ZBTB8A: variants seen among roughly 807,000 people sequenced by gnomAD.
ZBTB8A encodes the protein zinc finger and BTB domain-containing protein 8A.
Under a neutral mutation model 37.8 loss-of-function variants are expected in ZBTB8A, and 19 were observed. The observed-to-expected ratio is 0.50, with a 90% CI of 0.35 to 0.74. ZBTB8A has a LOEUF of 0.74. Ranked by LOEUF, ZBTB8A falls within the 30% of genes least tolerant of loss-of-function variation. The probability of loss-of-function intolerance (pLI) is 0.01; values close to 1 mark genes in which losing one functional copy is unlikely to be tolerated. For synonymous variants in ZBTB8A, 181 were observed against 185.2 expected, an observed-to-expected ratio of 0.98 and a Z score of 0.19; for missense variants, 394 against 537.8, an observed-to-expected ratio of 0.73 and a Z score of 2.65.
chr1:32,573,588 A>G (rs1644339004), intron 2 of ZBTB8A, among the ~76,000 whole-genome samples: 2 of 149,556 alleles, frequency 1.3e-5, no homozygotes, highest in South Asian at 4.2e-4. Flanking sequence ...GTAAGCCACC[A>G]CATTTGGCTA....
intron 3 of ZBTB8A, among the ~76,000 whole-genome samples, chr1:32,594,751 G>A (rs952647436): frequency 6.7e-6 from 1 of 148,574 alleles, no homozygotes; most frequent in Non-Finnish European, 1.5e-5. Context: ...GGGCAACAGA[G>A]CGAAACTCTA....
chr1:32,539,626 G>C (rs946820013), intron 1 of ZBTB8A, 54 bp downstream of exon 1: 3 of 146,122 alleles, frequency 2.1e-5, no homozygotes, highest in African/African-American at 7.4e-5. Context: ...GGGGCTGCCC[G>C]GGACCCGCCG....
chr1:32,588,827 T>C (rs1218678800), intron 2 of ZBTB8A, among the ~76,000 whole-genome samples: 1 of 151,764 alleles, frequency 6.6e-6, no homozygotes, highest in Non-Finnish European at 1.5e-5. Flanking sequence ...CTACCAAAAA[T>C]ACAAAAATTA....
In ZBTB8A at chr1:32,605,704, C is replaced by CAAAAAAAAAAAAAAA. The variant is rs555736414; in HGVS notation, c.*5297_*5311dup. ...TGGGTGACAGAGCGAGACTCCACCTCAAAAAAAAAAAAAAAAAAAAAAAAA... is the reference window on the plus strand; with the variant it reads ...TGGGTGACAGAGCGAGACTCCACCTCAAAAAAAAAAAAAAAAAAAAAAAAAAAAAAAAAAAAAAAA... On this transcript the variant is annotated 3_prime_UTR_variant, in exon 5 of 5. Transcript: ENST00000373510. 2.7e-4 allele frequency: 5 copies of CAAAAAAAAAAAAAAA among 18,414 alleles called. 1 individual carries two copies. Among genetic ancestry groups the CAAAAAAAAAAAAAAA allele is most frequent in the African/African-American group, 8.5e-4 (5 of 5,868 alleles). 1.1% of individuals were successfully genotyped at this position (18,414 alleles called of 1,614,324 possible). A position where few individuals can be genotyped will look rare whatever the true frequency, so the allele number is the denominator to read the frequency against.
In ZBTB8A at chr1:32,600,663, T is replaced by C. The variant is rs1331381296; in HGVS notation, c.*244T>C. 1 of 417,870 alleles carries C rather than the reference T, an allele frequency of 2.4e-6. No individual in the cohort carries two copies. The highest frequency in any genetic ancestry group is 4.3e-6 in the Non-Finnish European group (1 of 233,476). 25.9% of individuals were successfully genotyped at this position (417,870 alleles called of 1,614,324 possible). ...AGTTGGCTTGATGGATGAACAATTATCCTCTTACTTTCATTACAATCCTCT... is the reference window on the plus strand; with the variant it reads ...AGTTGGCTTGATGGATGAACAATTACCCTCTTACTTTCATTACAATCCTCT... On this transcript the variant is annotated 3_prime_UTR_variant, in exon 5 of 5. Transcript: ENST00000373510.
chr1:32,567,379 A>G (rs1029697520), intron 2 of ZBTB8A, among the ~76,000 whole-genome samples: 3 of 152,164 alleles, frequency 2.0e-5, no homozygotes, highest in Non-Finnish European at 4.4e-5. Context: ...GGGGACACAA[A>G]TCCAAACCAT....
chr1:32,601,353 A>G lies in ZBTB8A; in HGVS notation c.*934A>G. 3.8e-6 allele frequency: 1 copy of G among 260,280 alleles called. No homozygotes were observed. Among genetic ancestry groups the G allele is most frequent in the Non-Finnish European group, 7.2e-6 (1 of 139,266 alleles). 16.1% of individuals were successfully genotyped at this position (260,280 alleles called of 1,614,324 possible). ...GCCGGGCATGGTGGCGGGTGCCTAT[A>G]ATCCCAGCTACTCGGGAGGCTGAGG... On this transcript the variant is annotated 3_prime_UTR_variant, in exon 5 of 5. Coordinates refer to ENST00000373510, the MANE Select transcript of ZBTB8A (RefSeq NM_001040441.3).
chr1:32,543,093 C>CTTTTTTTTTTTTTTT (rs1403133651), intron 1 of ZBTB8A, among the ~76,000 whole-genome samples: 1 of 151,728 alleles, frequency 6.6e-6, no homozygotes, highest in South Asian at 2.1e-4. Context: ...TTAGATATAA[C>CTTTTTTTTTTTTTTT]TTTTTTTGAG....
At chr1:32,589,439 T>C (rs809787) in intron 2 of ZBTB8A, among the ~76,000 whole-genome samples, 5 of 152,044 alleles carry the variant, frequency 3.3e-5, no homozygotes, top group African/African-American at 1.2e-4. Context: ...TTAGTAGAGA[T>C]AGGGGTTCAC....
At chr1:32,542,884 T>A (rs1410884473) in intron 1 of ZBTB8A, among the ~76,000 whole-genome samples, 1 of 152,222 alleles carries the variant, frequency 6.6e-6, no homozygotes, top group East Asian at 1.9e-4. Flanking sequence ...TTTCAACGTA[T>A]AAAGTCACTC....
At chr1:32,573,922 A>G (rs1324910786) in intron 2 of ZBTB8A, among the ~76,000 whole-genome samples, 1 of 151,324 alleles carries the variant, frequency 6.6e-6, no homozygotes, top group African/African-American at 2.4e-5. Flanking sequence ...TAAAAATCCA[A>G]AAAATTAGCC....
chr1:32,546,860 T>C (rs550121190), intron 1 of ZBTB8A, among the ~76,000 whole-genome samples: 9 of 152,256 alleles, frequency 5.9e-5, no homozygotes, highest in Non-Finnish European at 1.3e-4. Flanking sequence ...TTGGACTAGG[T>C]CCAACATAAA....
chr1:32,554,803 C>G (rs1445390116), intron 2 of ZBTB8A, among the ~76,000 whole-genome samples: 2 of 152,102 alleles, frequency 1.3e-5, no homozygotes, highest in Non-Finnish European at 2.9e-5. Context: ...AACTGGGATC[C>G]AGGCAATTGT....
At chr1:32,567,806 A>AC (rs1557707618) in intron 2 of ZBTB8A, among the ~76,000 whole-genome samples, 5 of 45,546 alleles carry the variant, frequency 1.1e-4, no homozygotes, top group African/African-American at 4.4e-4. Context: ...AAAAAAAAAA[A>AC]AAAAAAAAAA....
intron 1 of ZBTB8A, among the ~76,000 whole-genome samples, chr1:32,549,103 G>GCT (rs1644130044): frequency 6.6e-6 from 1 of 152,046 alleles, no homozygotes; most frequent in Non-Finnish European, 1.5e-5. Flanking sequence ...AGACAGAATC[G>GCT]CTTGAACCCG....
chr1:32,585,027 CTTTTT>C (rs1163697499), intron 2 of ZBTB8A, among the ~76,000 whole-genome samples: 5 of 105,598 alleles, frequency 4.7e-5, no homozygotes, highest in Admixed American at 3.0e-4. Flanking sequence ...TTTCAGATTT[CTTTTT>C]TTTTTTTTTT....
intron 1 of ZBTB8A, among the ~76,000 whole-genome samples, chr1:32,545,218 A>C (rs1644093233): frequency 6.6e-6 from 1 of 152,324 alleles, no homozygotes; most frequent in Middle Eastern, 3.4e-3. Flanking sequence ...CATGGAAAAA[A>C]AAGAAAATAT....
intron 3 of ZBTB8A, 118 bp from the exon 4 acceptor site, chr1:32,594,936 C>CTT: frequency 3.7e-6 from 4 of 1,078,298 alleles, no homozygotes; most frequent in Non-Finnish European, 3.7e-6. Context: ...CTTTTTATTT[C>CTT]TTTTTTTTTA....
At position 32,603,160 on chromosome 1, in the gene ZBTB8A, TC is replaced by T. The variant is rs1644590036; in HGVS notation, c.*2742del. The T allele has an allele frequency of 6.6e-6, 1 of 152,252 alleles. No homozygotes were observed. 9.4% of individuals were successfully genotyped at this position (152,252 alleles called of 1,614,324 possible). On this transcript the variant is annotated 3_prime_UTR_variant, in exon 5 of 5. Transcript: ENST00000373510. ...ATTCTGGTTTTTTTGAGATGGACTC[TC>T]GCTCTGTTGTCCAAGCTGGAGTGCA...
Sources: gnomAD v4.1 joint callset for allele counts (sites outside exome capture counted in the v4.1 genomes callset) on GRCh38, gnomAD v4.1.1 for gene constraint, MANE v1.5 for transcripts, NCBI Gene and HGNC (gene_info 2026-07-23, HGNC 2026-07-21) for gene names.